Variants in NFIB observed in about 807,000 individuals in gnomAD.
NFIB encodes nuclear factor I B.
NFIB carries 11 observed loss-of-function variants against 61.5 expected under a neutral mutation model. The observed-to-expected ratio is 0.18, with a 90% CI of 0.11 to 0.30. NFIB has a LOEUF of 0.30. Ranked by LOEUF, NFIB falls within the 10% of genes least tolerant of loss-of-function variation. The pLI is 1.00. For missense variants in NFIB, 471 were observed against 608.9 expected (o/e 0.77, Z 2.38); for synonymous variants, 260 against 216.5 (o/e 1.20, Z -1.76).
intron 1 of NFIB, among the ~76,000 whole-genome samples, chr9:14,319,667 A>G (rs1055235034): frequency 2.0e-5 from 3 of 152,204 alleles, no homozygotes; most frequent in Non-Finnish European, 2.9e-5. Context: ...TGGGTTTTTA[A>G]GACAGGTATA....
intron 5 of NFIB, among the ~76,000 whole-genome samples, chr9:14,149,135 T>G (rs1047658252): frequency 2.6e-5 from 4 of 152,168 alleles, no homozygotes; most frequent in African/African-American, 9.7e-5. Flanking sequence ...CTTTGATATG[T>G]CAGAGACTAT....
Position 14,314,043 on chromosome 9 carries a change from G to C in NFIB, c.-532C>G. ...CGCGCTGGGAAAGTTCAAGGTTACA[G>C]CCCCAAGCACTGCGGCAGGATCCCG... On this transcript the variant is annotated 5_prime_UTR_variant, in exon 1 of 11. Coordinates refer to ENST00000380953, the MANE Select transcript of NFIB (RefSeq NM_001190737.2). 2 of 1,068,436 alleles carry C rather than the reference G, an allele frequency of 1.9e-6. No homozygotes were observed. The highest frequency in any genetic ancestry group is 1.1e-6 in the Non-Finnish European group (1 of 881,966). The allele number at this position is 1,068,436 out of a possible 1,614,324, so 66.2% of individuals were successfully genotyped here.
intron 2 of NFIB, among the ~76,000 whole-genome samples, chr9:14,216,943 T>A (rs1055230409): frequency 6.6e-6 from 1 of 152,214 alleles, no homozygotes; most frequent in Non-Finnish European, 1.5e-5. Flanking sequence ...AGAACAGCTA[T>A]CCATATCCAT....
the NFIB span, among the ~76,000 whole-genome samples, chr9:14,509,706 C>A: frequency 1.9e-4 from 29 of 152,224 alleles, no homozygotes; most frequent in African/African-American, 7.0e-4. Flanking sequence ...AACCATCCCA[C>A]CCCTGAAGCA....
chr9:14,147,818 T>C (rs1267895078), intron 5 of NFIB, among the ~76,000 whole-genome samples: 1 of 151,882 alleles, frequency 6.6e-6, no homozygotes. Flanking sequence ...ATTTTAGTAT[T>C]TTTTGTAGAG....
At chr9:14,179,849 ACTCG>A in intron 2 of NFIB, 69 bp from the exon 3 acceptor site, 1 of 1,505,974 alleles carries the variant, frequency 6.6e-7, no homozygotes, top group African/African-American at 1.4e-5. Flanking sequence ...TCCTCAAAGG[ACTCG>A]AAAAAAAAAT....
chr9:14,344,368 G>T (rs1390873377), intron 1 of NFIB, among the ~76,000 whole-genome samples: 1 of 151,070 alleles, frequency 6.6e-6, no homozygotes, highest in East Asian at 1.9e-4. Context: ...GCCGGGCCAG[G>T]CAGTAACTGC....
upstream of NFIB, among the ~76,000 whole-genome samples, chr9:14,402,886 A>G (rs1200693464): frequency 1.3e-5 from 2 of 152,212 alleles, no homozygotes; most frequent in Non-Finnish European, 2.9e-5. Context: ...TTTTAAAGCA[A>G]TTAGCTTGTC....
At chr9:14,333,989 T>C (rs906704729) in intron 1 of NFIB, among the ~76,000 whole-genome samples, 2 of 152,258 alleles carry the variant, frequency 1.3e-5, no homozygotes, top group African/African-American at 4.8e-5. Context: ...TATGTCTGAA[T>C]TATTTCGTTC....
In NFIB at chr9:14,332,099, G is replaced by A. The variant is rs1232613189; in HGVS notation, c.109-24579C>T. ...TGTAATGCCAGCACTTTAGGAAGCCGAAGCTGGTGGATCACTTGAAGTCAG... is the reference window on the plus strand; with the variant it reads ...TGTAATGCCAGCACTTTAGGAAGCCAAAGCTGGTGGATCACTTGAAGTCAG... On this transcript the variant is annotated intron_variant, in intron 1 of 8. Coordinates refer to the NFIB transcript ENST00000380934. Among the ~76,000 whole-genome samples the A allele has an allele frequency of 3.9e-5, 6 of 152,146 alleles. No individual in the cohort carries two copies. The East Asian group carries it at 7.8e-4, about 20-fold the overall frequency.
intron 3 of NFIB, among the ~76,000 whole-genome samples, chr9:14,172,218 T>C (rs934605741): frequency 6.6e-6 from 1 of 152,170 alleles, no homozygotes; most frequent in Non-Finnish European, 1.5e-5. Context: ...CTTCATGCCA[T>C]GTTACGAAGA....
At chr9:14,507,687 G>A in the NFIB span, among the ~76,000 whole-genome samples, 8 of 152,162 alleles carry the variant, frequency 5.3e-5, no homozygotes, top group South Asian at 4.1e-4. Flanking sequence ...AAATAGCAGC[G>A]CAAGGAACTG....
chr9:14,263,006 A>C (rs2056907568), intron 2 of NFIB, among the ~76,000 whole-genome samples: 1 of 152,166 alleles, frequency 6.6e-6, no homozygotes, highest in Admixed American at 6.5e-5. Flanking sequence ...TAAAACTGTG[A>C]AACACTAGGG....
chr9:14,232,228 G>A (rs1182019692), intron 2 of NFIB, among the ~76,000 whole-genome samples: 1 of 152,166 alleles, frequency 6.6e-6, no homozygotes, highest in Admixed American at 6.5e-5. Flanking sequence ...AATAGTGTTT[G>A]TGCCTTTTCT....
intron 1 of NFIB, among the ~76,000 whole-genome samples, chr9:14,336,840 C>G (rs914645780): frequency 2.6e-4 from 40 of 152,062 alleles, no homozygotes; most frequent in African/African-American, 8.9e-4. Flanking sequence ...CATTTTGTAG[C>G]CATAATGCCC....
At chr9:14,304,492 G>A (rs1443169310) in intron 2 of NFIB, among the ~76,000 whole-genome samples, 2 of 152,226 alleles carry the variant, frequency 1.3e-5, no homozygotes, top group Non-Finnish European at 2.9e-5. Context: ...GCTAAACAAA[G>A]AGGGTCTGAT....
At chr9:14,111,303 A>T (rs2037335439) in intron 10 of NFIB, among the ~76,000 whole-genome samples, 1 of 152,298 alleles carries the variant, frequency 6.6e-6, no homozygotes, top group East Asian at 1.9e-4. Flanking sequence ...AGGCTTCGAC[A>T]TTTATCATAA....
intron 1 of NFIB, among the ~76,000 whole-genome samples, chr9:14,322,905 C>T (rs1304853311): frequency 6.6e-6 from 1 of 151,838 alleles, no homozygotes; most frequent in Non-Finnish European, 1.5e-5. Flanking sequence ...TTTGTGCTTC[C>T]CGACCGTGTG....
At chr9:14,170,015 A>G (rs543110515) in intron 3 of NFIB, among the ~76,000 whole-genome samples, 2 of 152,332 alleles carry the variant, frequency 1.3e-5, no homozygotes, top group South Asian at 2.1e-4. Flanking sequence ...TTAGACACAT[A>G]TCTACTTAAT....
Sources: allele counts gnomAD v4.1 joint callset (sites outside exome capture counted in the v4.1 genomes callset), GRCh38; gene constraint gnomAD v4.1.1; transcripts MANE v1.5; gene names NCBI Gene and HGNC (gene_info 2026-07-23, HGNC 2026-07-21).